UBL3: variants seen among roughly 807,000 people sequenced by gnomAD.
UBL3 encodes the protein ubiquitin-like protein 3.
UBL3 carries 6 observed loss-of-function variants against 18.4 expected under a neutral mutation model. The observed-to-expected ratio is 0.33, with a 90% CI of 0.18 to 0.64. UBL3 has a LOEUF of 0.64. Among genes scored for constraint, UBL3 ranks in the 30% least tolerant of loss-of-function variants. UBL3 has a pLI of 0.76. For missense variants in UBL3, 109 were observed against 142.9 expected, an observed-to-expected ratio of 0.76 and a Z score of 1.21; for synonymous variants, 49 against 46.6, an observed-to-expected ratio of 1.05 and a Z score of -0.21.
intron 1 of UBL3, among the ~76,000 whole-genome samples, chr13:29,826,109 T>G (rs1338790641): frequency 1.3e-5 from 2 of 152,250 alleles, no homozygotes; most frequent in Non-Finnish European, 2.9e-5. Context: ...AGTATTTTAT[T>G]GAGGATTTTT....
At chr13:29,791,272 A>G (rs1469681410) in intron 1 of UBL3, among the ~76,000 whole-genome samples, 1 of 152,138 alleles carries the variant, frequency 6.6e-6, no homozygotes, top group East Asian at 1.9e-4. Context: ...ACTCTCAAAA[A>G]CATTCTTAAA....
chr13:29,833,385 C>G (rs1434726922), intron 1 of UBL3, among the ~76,000 whole-genome samples: 1 of 150,584 alleles, frequency 6.6e-6, no homozygotes, highest in Non-Finnish European at 1.5e-5. Flanking sequence ...ACACTGGCAC[C>G]CAAAAATGTT....
At chr13:29,787,403 T>A (rs998690546) in intron 1 of UBL3, among the ~76,000 whole-genome samples, 1 of 152,224 alleles carries the variant, frequency 6.6e-6, no homozygotes, top group Non-Finnish European at 1.5e-5. Flanking sequence ...AATGTACATT[T>A]ACTTTCAGTT....
At chr13:29,794,705 C>T (rs893848895) in intron 1 of UBL3, among the ~76,000 whole-genome samples, 8 of 152,176 alleles carry the variant, frequency 5.3e-5, no homozygotes, top group Admixed American at 5.2e-4. Context: ...TTCCTGGGCA[C>T]TGGGTGCCCT....
At position 29,777,192 on chromosome 13, in the gene UBL3, A is replaced by G. The variant is rs559056151; in HGVS notation, c.99T>C (p.Ser33=). ...TGTCATATACATGCTTTGCAATGTCAGAAGCAGAATCGTTAGGAGAAAACA... is the reference window on the plus strand; with the variant it reads ...TGTCATATACATGCTTTGCAATGTCGGAAGCAGAATCGTTAGGAGAAAACA... ...EFLFSPNDSA[S]DIAKHVYDNW... is the part of the protein sequence containing the mutation. Residue 33 remains serine (S), a synonymous_variant, in exon 2 of 5, where the codon TCT becomes TCC. Transcript: ENST00000380680. 13 of 1,609,358 alleles carry G rather than the reference A, an allele frequency of 8.1e-6. No homozygotes were observed. The highest frequency in any genetic ancestry group is 8.0e-5 in the African/African-American group (6 of 74,984).
In UBL3 at chr13:29,768,703, A is replaced by G. The variant is rs1202518743; in HGVS notation, c.224-1008T>C. 2.0e-5 allele frequency among the ~76,000 whole-genome samples: 3 copies of G among 152,208 alleles called. No individual in the cohort carries two copies. The East Asian group carries it at 5.8e-4, about 29-fold the overall frequency. On this transcript the variant is annotated intron_variant, in intron 3 of 4. Coordinates refer to ENST00000380680, the MANE Select transcript of UBL3 (RefSeq NM_007106.4). Reference sequence around the variant, plus strand: ...AAGTTGGCCAGCCATTATTTGGTCTACACTTTTAACCTCTGATGTTCAAAT... The same window carrying G: ...AAGTTGGCCAGCCATTATTTGGTCTGCACTTTTAACCTCTGATGTTCAAAT...
At chr13:29,795,544 A>G (rs974598808) in intron 1 of UBL3, among the ~76,000 whole-genome samples, 8 of 151,884 alleles carry the variant, frequency 5.3e-5, no homozygotes, top group African/African-American at 1.7e-4. Context: ...TTAATAGGTA[A>G]TAACACTATT....
chr13:29,788,184 C>T (rs2139321560), intron 1 of UBL3, among the ~76,000 whole-genome samples: 1 of 152,290 alleles, frequency 6.6e-6, no homozygotes, highest in South Asian at 2.1e-4. Context: ...CAGGATAAAT[C>T]TTTTATGTCT....
intron 3 of UBL3, among the ~76,000 whole-genome samples, chr13:29,769,953 C>A (rs920598324): frequency 1.3e-5 from 2 of 152,054 alleles, no homozygotes; most frequent in Admixed American, 1.3e-4. Context: ...TTGACCACTA[C>A]CTATAACAAG....
intron 1 of UBL3, among the ~76,000 whole-genome samples, chr13:29,818,638 C>G (rs905271600): frequency 6.6e-6 from 1 of 152,128 alleles, no homozygotes; most frequent in Non-Finnish European, 1.5e-5. Flanking sequence ...TCACATAATA[C>G]GCCTATCACA....
chr13:29,801,810 T>G (rs572276427), intron 1 of UBL3, among the ~76,000 whole-genome samples: 6 of 152,290 alleles, frequency 3.9e-5, no homozygotes, highest in African/African-American at 1.4e-4. Context: ...GAGCCCACTA[T>G]GCAGCCACCC....
chr13:29,847,812 G>A (rs1879265589), intron 1 of UBL3, among the ~76,000 whole-genome samples: 1 of 152,138 alleles, frequency 6.6e-6, no homozygotes. Context: ...GCTCTGTCTA[G>A]AGACCGCTCC....
intron 1 of UBL3, among the ~76,000 whole-genome samples, chr13:29,828,086 G>A (rs562281426): frequency 1.4e-4 from 22 of 152,236 alleles, no homozygotes; most frequent in African/African-American, 3.4e-4. Flanking sequence ...TGGGTAACCC[G>A]ACCTTTCTCT....
At position 29,764,580 on chromosome 13, in the gene UBL3, T is replaced by A; in HGVS notation, c.*2675A>T. 6.6e-6 allele frequency: 1 copy of A among 152,228 alleles called. No individual in the cohort carries two copies. Among genetic ancestry groups the A allele is most frequent in the East Asian group, 1.9e-4 (1 of 5,206 alleles). The allele number at this position is 152,228 out of a possible 1,614,324, so 9.4% of individuals were successfully genotyped here. A position where few individuals can be genotyped will look rare whatever the true frequency, so the allele number is the denominator to read the frequency against. On this transcript the variant is annotated 3_prime_UTR_variant, in exon 5 of 5. Coordinates refer to ENST00000380680, the MANE Select transcript of UBL3 (RefSeq NM_007106.4). ...TAATGTTAGATACTGTATTTTTCCA[T>A]GGTAAAATACAACTTATCTTGAAGA...
intron 1 of UBL3, among the ~76,000 whole-genome samples, chr13:29,786,735 C>T (rs574644460): frequency 3.4e-5 from 5 of 146,396 alleles, no homozygotes; most frequent in South Asian, 2.3e-4. Flanking sequence ...GAAGAAGCTA[C>T]GGGATCTTTT....
intron 3 of UBL3, 83 bp downstream of exon 3, chr13:29,772,029 A>G (rs1876854303): frequency 4.1e-6 from 5 of 1,223,430 alleles, no homozygotes; most frequent in Non-Finnish European, 5.8e-6. Flanking sequence ...TTTTTAGCAA[A>G]TTCAAAGACA....
At chr13:29,791,863 T>C (rs17073891) in intron 1 of UBL3, among the ~76,000 whole-genome samples, 2,174 of 152,336 alleles carry the variant, frequency 0.014, 47 homozygotes, top group African/African-American at 0.048. Flanking sequence ...AAACCATTTA[T>C]GTCCATATCC....
intron 1 of UBL3, among the ~76,000 whole-genome samples, chr13:29,836,608 G>C (rs1009037827): frequency 6.6e-6 from 1 of 151,834 alleles, no homozygotes; most frequent in African/African-American, 2.4e-5. Flanking sequence ...TCCCCCTTGA[G>C]GTATTTGCCA....
At chr13:29,819,951 T>C (rs1010335443) in intron 1 of UBL3, among the ~76,000 whole-genome samples, 3 of 152,160 alleles carry the variant, frequency 2.0e-5, no homozygotes, top group Non-Finnish European at 4.4e-5. Context: ...ATGTCAACCA[T>C]TTCAAAAACG....
Sources: allele counts gnomAD v4.1 joint callset (sites outside exome capture counted in the v4.1 genomes callset), GRCh38; gene constraint gnomAD v4.1.1; transcripts MANE v1.5; gene names NCBI Gene and HGNC (gene_info 2026-07-23, HGNC 2026-07-21).